APBA1: variants seen among roughly 807,000 people sequenced by gnomAD.
The protein encoded by APBA1 is amyloid-beta A4 precursor protein-binding family A member 1.
Under a neutral mutation model 86.6 loss-of-function variants are expected in APBA1, and 55 were observed. The ratio of observed to expected loss-of-function variants is 0.64; its 90% confidence interval spans 0.51 to 0.80. The LOEUF (loss-of-function observed/expected upper bound fraction) is 0.80, where lower values mean the gene tolerates loss of function less well. APBA1 is among the 30% of genes least tolerant of loss of function. The probability of loss-of-function intolerance (pLI) is 0.00; values close to 1 mark genes in which losing one functional copy is unlikely to be tolerated. For missense variants in APBA1, 1,090 were observed against 1,183.0 expected, an observed-to-expected ratio of 0.92 and a Z score of 1.15; for synonymous variants, 511 against 493.9, an observed-to-expected ratio of 1.03 and a Z score of -0.46.
chr9:69,452,396 A>C, intron 8 of APBA1, 95 bp from the exon 9 acceptor site: 1 of 1,262,998 alleles, frequency 7.9e-7, no homozygotes, highest in Non-Finnish European at 1.1e-6. Context: ...GCCCTCCTGG[A>C]GTCTGAGGAA....
intron 1 of APBA1, among the ~76,000 whole-genome samples, chr9:69,533,240 G>T (rs1211867521): frequency 6.6e-6 from 1 of 152,106 alleles, no homozygotes; most frequent in Non-Finnish European, 1.5e-5. Context: ...AATAACAGTG[G>T]CTATTTCTTT....
intron 1 of APBA1, among the ~76,000 whole-genome samples, chr9:69,580,860 G>GA (rs1821901163): frequency 1.3e-5 from 2 of 152,138 alleles, no homozygotes; most frequent in Non-Finnish European, 1.5e-5. Context: ...TTGTTCTCAA[G>GA]CAGCTAAAAT....
chr9:69,657,039 G>C (rs1823626959), intron 1 of APBA1, among the ~76,000 whole-genome samples: 1 of 151,990 alleles, frequency 6.6e-6, no homozygotes, highest in African/African-American at 2.4e-5. Context: ...TAGAGACGGG[G>C]TTTCACCGTG....
At chr9:69,434,270 G>A (rs889953861) in intron 11 of APBA1, among the ~76,000 whole-genome samples, 8 of 152,268 alleles carry the variant, frequency 5.3e-5, no homozygotes, top group Non-Finnish European at 7.4e-5. Flanking sequence ...GCTGGCAGCC[G>A]GGAAGGCAGT....
At chr9:69,472,270 C>A (rs895569348) in intron 3 of APBA1, among the ~76,000 whole-genome samples, 1 of 151,988 alleles carries the variant, frequency 6.6e-6, no homozygotes, top group South Asian at 2.1e-4. Flanking sequence ...AATTAAAAAC[C>A]CTGGAATTTC....
At chr9:69,649,476 G>T (rs1407110960) in intron 1 of APBA1, among the ~76,000 whole-genome samples, 3 of 151,956 alleles carry the variant, frequency 2.0e-5, no homozygotes, top group Non-Finnish European at 2.9e-5. Flanking sequence ...TGGCCCCACA[G>T]GACCAGGTCT....
chr9:69,546,529 C>G (rs1266703014), intron 1 of APBA1, among the ~76,000 whole-genome samples: 2 of 152,192 alleles, frequency 1.3e-5, no homozygotes, highest in Non-Finnish European at 2.9e-5. Context: ...TCTGGCCATC[C>G]TCTTTTCTGA....
intron 1 of APBA1, among the ~76,000 whole-genome samples, chr9:69,580,457 A>G (rs1821892085): frequency 6.6e-6 from 1 of 152,162 alleles, no homozygotes; most frequent in Admixed American, 6.5e-5. Flanking sequence ...AGAAAGGAAG[A>G]TGGACTTTGC....
chr9:69,595,686 G>T (rs1822213359), intron 1 of APBA1, among the ~76,000 whole-genome samples: 1 of 152,104 alleles, frequency 6.6e-6, no homozygotes, highest in Non-Finnish European at 1.5e-5. Flanking sequence ...TCCACAGTGA[G>T]GCTAAATACC....
At chr9:69,670,351 G>A (rs1264954362) in intron 1 of APBA1, among the ~76,000 whole-genome samples, 2 of 152,134 alleles carry the variant, frequency 1.3e-5, no homozygotes, top group African/African-American at 4.8e-5. Flanking sequence ...ATAAATCTCT[G>A]GTGCCAACAT....
chr9:69,475,702 C>T (rs1365027107), intron 3 of APBA1, among the ~76,000 whole-genome samples: 4 of 152,218 alleles, frequency 2.6e-5, no homozygotes, highest in African/African-American at 4.8e-5. Flanking sequence ...AGATGCTGTA[C>T]GTCGAGTTTT....
chr9:69,440,888 G>A (rs141781087), intron 11 of APBA1, 108 bp downstream of exon 11: 23,467 of 1,369,200 alleles, frequency 0.017, 240 homozygotes, highest in Non-Finnish European at 0.02. Context: ...GCTGGGAGTT[G>A]TAGACTGGAG....
At chr9:69,550,884 C>T (rs1172220762) in intron 1 of APBA1, among the ~76,000 whole-genome samples, 1 of 152,078 alleles carries the variant, frequency 6.6e-6, no homozygotes, top group Non-Finnish European at 1.5e-5. Context: ...ATTTATTGGA[C>T]ATCTCATGGA....
At chr9:69,490,489 T>A (rs7859472) in intron 2 of APBA1, among the ~76,000 whole-genome samples, 117,663 of 151,148 alleles carry the variant, frequency 0.78, 46,150 homozygotes, top group Admixed American at 0.84. Flanking sequence ...ATAAAATTTT[T>A]AAAAAAAAGC....
At chr9:69,548,402 A>G (rs80050697) in intron 1 of APBA1, among the ~76,000 whole-genome samples, 6,001 of 152,284 alleles carry the variant, frequency 0.039, 428 homozygotes, top group African/African-American at 0.14. Flanking sequence ...GAACCTTAAG[A>G]TAATAGGTTT....
At chr9:69,559,970 A>G (rs1035704218) in intron 1 of APBA1, among the ~76,000 whole-genome samples, 6 of 152,204 alleles carry the variant, frequency 3.9e-5, no homozygotes, top group Non-Finnish European at 8.8e-5. Flanking sequence ...CCAGTATACC[A>G]GGACATGGAA....
chr9:69,499,638 C>T (rs924161844), intron 2 of APBA1, among the ~76,000 whole-genome samples: 3 of 148,996 alleles, frequency 2.0e-5, no homozygotes, highest in African/African-American at 7.4e-5. Flanking sequence ...TGCACTTGAC[C>T]TTGGTCAGTA....
Position 69,516,891 on chromosome 9 carries a change from T to C in APBA1, c.320A>G (p.Glu107Gly). Residue 107 changes from glutamate to glycine, a missense_variant, in exon 2 of 13, where the codon GAG becomes GGG. Physicochemically the swap from Glu to Gly is moderately conservative, Grantham distance 98. This residue lies in a region of APBA1 where 678 missense variants were observed against 647.1 expected (regional missense o/e 1.05). Coordinates refer to ENST00000265381, the MANE Select transcript of APBA1 (RefSeq NM_001163.4). The surrounding 1 kb of genome is among the most constrained non-coding windows in gnomAD (Gnocchi z 7.3). ...IAAARDGYDA[E>G]RAQDPEDESA... Reference sequence around the variant, plus strand: ...CTCGTCCTCGGGGTCCTGCGCGCGCTCCGCATCGTAGCCGTCGCGGGCCGC... The same window carrying C: ...CTCGTCCTCGGGGTCCTGCGCGCGCCCCGCATCGTAGCCGTCGCGGGCCGC... 2 of 1,594,512 alleles carry C rather than the reference T, an allele frequency of 1.3e-6. No individual in the cohort carries two copies. The highest frequency in any genetic ancestry group is 2.2e-5 in the South Asian group (2 of 90,198).
chr9:69,667,187 G>T lies in APBA1; in HGVS notation c.-70+4966C>A, dbSNP rs187434145. On this transcript the variant is annotated intron_variant, in intron 1 of 12. Transcript: ENST00000265381. ...AAATACAAGTGGAGTCTTTTATTTG[G>T]ATAATTTTAAAGGTAAACATTCTCC... 2.7e-4 allele frequency among the ~76,000 whole-genome samples: 41 copies of T among 152,236 alleles called. 1 individual carries two copies. In the East Asian group the frequency reaches 7.5e-3, roughly 28 times the overall value.
Sources: gnomAD v4.1 joint callset for allele counts (sites outside exome capture counted in the v4.1 genomes callset) on GRCh38, gnomAD v4.1.1 for gene constraint, gnomAD v4.1.1 regional missense constraint, Gnocchi (gnomAD v3.1) non-coding constraint, MANE v1.5 for transcripts, NCBI Gene and HGNC (gene_info 2026-07-23, HGNC 2026-07-21) for gene names.